The following BLOC1S5 variants were observed in gnomAD, a reference collection of about 807,000 sequenced individuals.
BLOC1S5 encodes the protein biogenesis of lysosome-related organelles complex 1 subunit 5.
BLOC1S5 carries 27 observed loss-of-function variants against 24.3 expected under a neutral mutation model. The ratio of observed to expected loss-of-function variants is 1.11; its 90% CI spans 0.82 to 1.53. The LOEUF (loss-of-function observed/expected upper bound fraction) is 1.53. Ranked by LOEUF, BLOC1S5 falls within the 40% of genes most tolerant of loss-of-function variation. BLOC1S5 has a pLI of 0.00. For missense variants in BLOC1S5, 239 were observed against 229.4 expected, an observed-to-expected ratio of 1.04 and a Z score of -0.27; for synonymous variants, 84 against 74.5, an observed-to-expected ratio of 1.13 and a Z score of -0.66.
At chr6:8,035,369 G>T (rs1490296395) in intron 3 of BLOC1S5, among the ~76,000 whole-genome samples, 1 of 118,550 alleles carries the variant, frequency 8.4e-6, no homozygotes. Context: ...TAAAAAAAAG[G>T]CATAGAGTGG....
chr6:8,041,066 T>C (rs971973760), intron 3 of BLOC1S5, 73 bp downstream of exon 3: 6 of 1,495,026 alleles, frequency 4.0e-6, no homozygotes, highest in East Asian at 2.3e-5. Context: ...CCCCCCATAA[T>C]ACCCAAGAAA....
At chr6:8,035,376 G>A (rs1184324924) in intron 3 of BLOC1S5, among the ~76,000 whole-genome samples, 3 of 146,794 alleles carry the variant, frequency 2.0e-5, no homozygotes, top group East Asian at 4.1e-4. Flanking sequence ...AAGGCATAGA[G>A]TGGCTGAATA....
chr6:8,023,604 A>G (rs1209955365), intron 4 of BLOC1S5, among the ~76,000 whole-genome samples: 1 of 152,130 alleles, frequency 6.6e-6, no homozygotes, highest in Non-Finnish European at 1.5e-5. Flanking sequence ...AAAAAAAAGA[A>G]TTAATGAGTA....
intron 2 of BLOC1S5, among the ~76,000 whole-genome samples, chr6:8,049,033 AAAG>A (rs1331499658): frequency 7.5e-6 from 1 of 132,624 alleles, no homozygotes; most frequent in African/African-American, 2.8e-5. Context: ...GAAAGGAAAG[AAAG>A]AAGAGGAGGG....
chr6:8,051,130 G>A (rs1331058314), intron 2 of BLOC1S5, among the ~76,000 whole-genome samples: 1 of 151,352 alleles, frequency 6.6e-6, no homozygotes, highest in Non-Finnish European at 1.5e-5. Context: ...GGAGGCTGCA[G>A]TGAGCCGAGA....
intron 4 of BLOC1S5, among the ~76,000 whole-genome samples, chr6:8,021,974 G>C (rs887720977): frequency 6.6e-6 from 1 of 152,070 alleles, no homozygotes; most frequent in East Asian, 1.9e-4. Flanking sequence ...ATAATAAACC[G>C]GCACGCATGC....
intron 3 of BLOC1S5, among the ~76,000 whole-genome samples, chr6:8,032,040 C>A (rs1386547752): frequency 6.6e-6 from 1 of 152,122 alleles, no homozygotes; most frequent in Non-Finnish European, 1.5e-5. Context: ...TGGAAAAACC[C>A]TTCTAGACAT....
rs1262605386 is a variant in BLOC1S5 at position 8,013,779 on chromosome 6, C to A, written c.*1870G>T. The A allele has an allele frequency of 6.6e-6, 1 of 152,158 alleles. No homozygotes were observed. The highest frequency in any genetic ancestry group is 1.5e-5 in the Non-Finnish European group (1 of 68,012). 9.4% of individuals were successfully genotyped at this position (152,158 alleles called of 1,614,324 possible). On this transcript the variant is annotated 3_prime_UTR_variant, in exon 5 of 5. Transcript: ENST00000397457. ...GGGAATTTTCATTTAAGGCTCCCCTCCCTTTTCATGTGTGGGATATTTTTG... is the reference window on the plus strand; with the variant it reads ...GGGAATTTTCATTTAAGGCTCCCCTACCTTTTCATGTGTGGGATATTTTTG...
At chr6:8,053,810 A>C (rs901237824) in intron 2 of BLOC1S5, among the ~76,000 whole-genome samples, 2 of 152,116 alleles carry the variant, frequency 1.3e-5, no homozygotes, top group African/African-American at 4.8e-5. Flanking sequence ...ATATATATAA[A>C]ATCTTTCTCT....
intron 2 of BLOC1S5, among the ~76,000 whole-genome samples, chr6:8,056,790 A>G (rs1326392582): frequency 6.6e-6 from 1 of 152,204 alleles, no homozygotes; most frequent in Non-Finnish European, 1.5e-5. Flanking sequence ...AAAAATTCTT[A>G]AAGGAGTCCG....
intron 4 of BLOC1S5, among the ~76,000 whole-genome samples, chr6:8,024,980 T>C (rs1355885514): frequency 6.6e-6 from 1 of 152,224 alleles, no homozygotes; most frequent in Non-Finnish European, 1.5e-5. Flanking sequence ...ATCTTCCTAC[T>C]ATACACAGGG....
chr6:8,062,152 A>C (rs1425652569), intron 2 of BLOC1S5, among the ~76,000 whole-genome samples: 1 of 152,208 alleles, frequency 6.6e-6, no homozygotes, highest in African/African-American at 2.4e-5. Context: ...ATAATCCTTA[A>C]GTTTTAATTT....
At chr6:8,064,056 GCGGGGAAACA>G (rs139754686) in intron 1 of BLOC1S5, among the ~76,000 whole-genome samples, 199 bp downstream of exon 1, 1,882 of 152,344 alleles carry the variant, frequency 0.012, 34 homozygotes, top group African/African-American at 0.043. Flanking sequence ...ACAGAGGAAA[GCGGGGAAACA>G]CGAAGAGTTG....
Position 8,064,333 on chromosome 6 carries a change from G to A in BLOC1S5, c.44C>T (p.Ala15Val), listed in dbSNP as rs762835206. The A allele has an allele frequency of 7.4e-6, 12 of 1,613,094 alleles. No individual in the cohort carries two copies. Among genetic ancestry groups the A allele is most frequent in the East Asian group, 6.7e-5 (3 of 44,866 alleles). Residue 15 changes from alanine (A) to valine (V), a missense_variant, in exon 1 of 5, where the codon GCC (alanine) becomes GTC (valine). By Grantham distance (64) the Ala-to-Val change is moderately conservative (BLOSUM62 0). Coordinates refer to ENST00000397457, the MANE Select transcript of BLOC1S5 (RefSeq NM_201280.3). Reference sequence around the variant, plus strand: ...CCTCTTCTTGCTGCCACCGCCCGGGGCGGCCTCACAACCCACAGGGGTCTC... The same window carrying A: ...CCTCTTCTTGCTGCCACCGCCCGGGACGGCCTCACAACCCACAGGGGTCTC... The part of the protein sequence containing the change: ...GTETPVGCEA[A>V]PGGGSKKRDS...
intron 2 of BLOC1S5, among the ~76,000 whole-genome samples, chr6:8,057,482 GT>G (rs1309528564): frequency 6.6e-6 from 1 of 152,156 alleles, no homozygotes; most frequent in Non-Finnish European, 1.5e-5. Flanking sequence ...ATAAAGCTTG[GT>G]TTCTGATGTA....
chr6:8,035,248 C>A (rs1763446770), intron 3 of BLOC1S5, among the ~76,000 whole-genome samples: 2 of 151,636 alleles, frequency 1.3e-5, no homozygotes, highest in Admixed American at 6.6e-5. Flanking sequence ...ACAGTGTACA[C>A]CAAAATCTCA....
At position 8,061,495 on chromosome 6, in the gene BLOC1S5, G is replaced by C. The variant is rs917463938; in HGVS notation, c.195+1039C>G. Reference sequence around the variant, plus strand: ...GTACCTAGTTAATTCCTAGGTCCCAGACAATATTCTAAAATGCACAGATCC... The same window carrying C: ...GTACCTAGTTAATTCCTAGGTCCCACACAATATTCTAAAATGCACAGATCC... On this transcript the variant is annotated intron_variant, in intron 2 of 4. Transcript: ENST00000397457. Among the ~76,000 whole-genome samples, 7 of 152,246 alleles carry C rather than the reference G, an allele frequency of 4.6e-5. No individual in the cohort carries two copies. In the East Asian group the frequency reaches 1.3e-3, roughly 29 times the overall value.
chr6:8,042,022 T>G (rs1021025020), intron 2 of BLOC1S5: 1 of 152,232 alleles, frequency 6.6e-6, no homozygotes, highest in African/African-American at 2.4e-5. Context: ...TGAAAATTTA[T>G]GCAGCTTTCT....
intron 3 of BLOC1S5, among the ~76,000 whole-genome samples, chr6:8,032,344 C>A (rs759504119): frequency 4.6e-5 from 7 of 151,928 alleles, no homozygotes; most frequent in South Asian, 2.1e-4. Context: ...AAATGGCCAA[C>A]AAACATATGA....
Sources: gnomAD v4.1 joint callset for allele counts (sites outside exome capture counted in the v4.1 genomes callset) on GRCh38, gnomAD v4.1.1 for gene constraint, MANE v1.5 for transcripts, NCBI Gene and HGNC (gene_info 2026-07-23, HGNC 2026-07-21) for gene names.